The following NIM1K variants were observed in gnomAD, a reference collection of about 807,000 sequenced individuals.
NIM1K encodes serine/threonine-protein kinase NIM1.
In NIM1K, 35 loss-of-function variants were observed where a neutral mutation model predicts 37.1. The ratio of observed to expected loss-of-function variants is 0.94; its 90% CI spans 0.72 to 1.25. NIM1K has a LOEUF of 1.25. NIM1K is among the 50% of genes most tolerant of loss of function. NIM1K has a pLI of 0.00. For missense variants in NIM1K, 564 were observed against 548.0 expected (o/e 1.03, Z -0.29); for synonymous variants, 234 against 206.6 (o/e 1.13, Z -1.14).
At chr5:43,204,472 C>G (rs1318986227) in intron 1 of NIM1K, among the ~76,000 whole-genome samples, 1 of 150,282 alleles carries the variant, frequency 6.7e-6, no homozygotes, top group Non-Finnish European at 1.5e-5. Flanking sequence ...GAGGCCGAGG[C>G]GGGTGGATCA....
chr5:43,272,335 C>T (rs920871729), intron 2 of NIM1K, among the ~76,000 whole-genome samples: 5 of 152,030 alleles, frequency 3.3e-5, no homozygotes, highest in African/African-American at 1.2e-4. Flanking sequence ...ACCAGGAGTA[C>T]ATCCCCCTGT....
chr5:43,279,017 T>C (rs890226179), intron 3 of NIM1K, among the ~76,000 whole-genome samples: 2 of 152,106 alleles, frequency 1.3e-5, no homozygotes, highest in Admixed American at 6.5e-5. Flanking sequence ...GAAAAGTAAC[T>C]TGGTGGGAGA....
chr5:43,264,178 T>C (rs1292635268), intron 2 of NIM1K, among the ~76,000 whole-genome samples: 3 of 152,188 alleles, frequency 2.0e-5, no homozygotes, highest in Non-Finnish European at 2.9e-5. Context: ...GATATCCTTG[T>C]TAACTTTCTG....
intron 2 of NIM1K, among the ~76,000 whole-genome samples, chr5:43,275,702 G>T (rs774298674): frequency 3.9e-5 from 6 of 152,030 alleles, no homozygotes; most frequent in Middle Eastern, 3.2e-3. Flanking sequence ...TCTACAGACC[G>T]GTTAGCTGAG....
chr5:43,218,202 G>A (rs1245406733), intron 1 of NIM1K, among the ~76,000 whole-genome samples: 1 of 149,716 alleles, frequency 6.7e-6, no homozygotes, highest in Non-Finnish European at 1.5e-5. Context: ...GTAGAGATAG[G>A]GTTTCACCAT....
intron 2 of NIM1K, among the ~76,000 whole-genome samples, chr5:43,270,588 T>C (rs899312271): frequency 1.3e-5 from 2 of 152,204 alleles, no homozygotes; most frequent in African/African-American, 4.8e-5. Context: ...GAAAGAGTTA[T>C]ACAAAAGTGT....
Position 43,280,224 on chromosome 5 carries a change from T to C in NIM1K, c.806T>C (p.Met269Thr). ...TTGTACTTCATGGTGACTGGCACCA[T>C]GCCATTTCGGGCAGAAACCGTGGCC... is the stretch of plus-strand genomic sequence containing the variant. Reference protein sequence around the residue: ...VLLYFMVTGTMPFRAETVAKL... With the variant: ...VLLYFMVTGTTPFRAETVAKL... The change falls in exon 4 of 4, where the codon ATG becomes ACG. Residue 269 changes from methionine (M) to threonine (T), a missense_variant. Coordinates refer to ENST00000326035, the MANE Select transcript of NIM1K (RefSeq NM_153361.4). The C allele has an allele frequency of 1.9e-6, 3 of 1,614,152 alleles. No homozygotes were observed. The highest frequency in any genetic ancestry group is 2.5e-6 in the Non-Finnish European group (3 of 1,180,022).
intron 1 of NIM1K, among the ~76,000 whole-genome samples, 194 bp downstream of exon 1, chr5:43,192,605 A>G (rs541268144): frequency 7.2e-5 from 11 of 152,298 alleles, no homozygotes; most frequent in Middle Eastern, 3.4e-3. Flanking sequence ...GCGTACCCCC[A>G]CACCTGCCCA....
intron 1 of NIM1K, among the ~76,000 whole-genome samples, chr5:43,198,193 T>TC (rs1751953765): frequency 3.5e-5 from 2 of 57,080 alleles, no homozygotes; most frequent in East Asian, 6.5e-4. Context: ...CTTTCTTTCT[T>TC]TCTTTCTTTC....
chr5:43,255,308 A>G (rs1476159374), intron 2 of NIM1K, among the ~76,000 whole-genome samples: 1 of 152,242 alleles, frequency 6.6e-6, no homozygotes, highest in Non-Finnish European at 1.5e-5. Flanking sequence ...CTACTATGCA[A>G]TAGCCACTAT....
intron 1 of NIM1K, among the ~76,000 whole-genome samples, chr5:43,211,713 C>T (rs1377978863): frequency 6.6e-6 from 1 of 152,144 alleles, no homozygotes; most frequent in Non-Finnish European, 1.5e-5. Context: ...TCTTGAGGAG[C>T]TTTCTAGACC....
intron 3 of NIM1K, among the ~76,000 whole-genome samples, chr5:43,279,546 A>G (rs1221375276): frequency 1.3e-5 from 2 of 152,184 alleles, no homozygotes; most frequent in Admixed American, 6.5e-5. Context: ...TGAATTCTGT[A>G]AGGATAAAAG....
chr5:43,227,972 G>A lies in NIM1K; in HGVS notation c.-694-17110G>A, dbSNP rs185674765. Among the ~76,000 whole-genome samples the A allele has an allele frequency of 2.8e-4, 43 of 152,268 alleles. No homozygotes were observed. In the East Asian group the frequency reaches 8.1e-3, roughly 29 times the overall value. ...GAAAAGACTGGCTCAAGGTCACAAA[G>A]ACATTTCGTGGGAAAGCTGAGACTG... is the stretch of plus-strand genomic sequence containing the variant. On this transcript the variant is annotated intron_variant, in intron 1 of 3. Transcript: ENST00000326035.
chr5:43,279,975 C>T lies in NIM1K; in HGVS notation c.562-5C>T, dbSNP rs1328242827. On this transcript the variant is annotated splice_polypyrimidine_tract_variant and splice_region_variant and intron_variant, in intron 3 of 3. Transcript: ENST00000326035. ...AATGACTTTTCTCTATGTCTTCTTC[C>T]ACAGCATGAAAACCAAATTATTCAT... 3 of 1,600,102 alleles carry T rather than the reference C, an allele frequency of 1.9e-6. No homozygotes were observed. Among genetic ancestry groups the T allele is most frequent in the Non-Finnish European group, 2.6e-6 (3 of 1,169,426 alleles).
chr5:43,229,384 CAAA>C (rs58730944), intron 1 of NIM1K, among the ~76,000 whole-genome samples: 3 of 89,996 alleles, frequency 3.3e-5, no homozygotes, highest in African/African-American at 8.7e-5. Context: ...AACTCCATCT[CAAA>C]AAAAAAAAAA....
At chr5:43,270,451 G>C (rs775865029) in intron 2 of NIM1K, among the ~76,000 whole-genome samples, 1 of 152,198 alleles carries the variant, frequency 6.6e-6, no homozygotes. Flanking sequence ...GGAAGACATG[G>C]TGGGAAGGAC....
At chr5:43,259,145 C>T (rs528512393) in intron 2 of NIM1K, among the ~76,000 whole-genome samples, 1 of 152,212 alleles carries the variant, frequency 6.6e-6, no homozygotes, top group African/African-American at 2.4e-5. Flanking sequence ...GTTTTCTTTA[C>T]CCACTCATTG....
intron 1 of NIM1K, among the ~76,000 whole-genome samples, chr5:43,219,396 CCTGT>C (rs375989800): frequency 4.9e-4 from 74 of 152,068 alleles, no homozygotes; most frequent in African/African-American, 1.7e-3. Flanking sequence ...AACCACCACA[CCTGT>C]CTAATTCTAA....
intron 1 of NIM1K, chr5:43,232,188 T>C: frequency 1.0e-6 from 1 of 982,434 alleles, no homozygotes; most frequent in Non-Finnish European, 1.6e-6. Flanking sequence ...ATGGCAGCAT[T>C]GACGTCTTTG....
Sources: allele counts gnomAD v4.1 joint callset (sites outside exome capture counted in the v4.1 genomes callset), GRCh38; gene constraint gnomAD v4.1.1; transcripts MANE v1.5; gene names NCBI Gene and HGNC (gene_info 2026-07-23, HGNC 2026-07-21).